NRG3: variants seen among roughly 807,000 people sequenced by gnomAD.
NRG3 encodes neuregulin 3.
Under a neutral mutation model 66.9 loss-of-function variants are expected in NRG3, and 31 were observed. The observed-to-expected ratio is 0.46, with a 90% confidence interval of 0.35 to 0.63. NRG3 has a LOEUF of 0.63. NRG3 is among the 20% of genes least tolerant of loss of function. NRG3 has a pLI of 0.00. For missense variants in NRG3, 910 were observed against 878.9 expected (o/e 1.04, Z -0.45); for synonymous variants, 393 against 359.4 (o/e 1.09, Z -1.06).
At chr10:82,380,386 A>G (rs1378528055) in intron 2 of NRG3, among the ~76,000 whole-genome samples, 9 of 152,194 alleles carry the variant, frequency 5.9e-5, no homozygotes, top group African/African-American at 1.9e-4. Flanking sequence ...TATAGATTCT[A>G]TAATCTGCCC....
At chr10:82,142,763 G>T (rs78387248) in intron 1 of NRG3, among the ~76,000 whole-genome samples, 2 of 102,274 alleles carry the variant, frequency 2.0e-5, no homozygotes, top group African/African-American at 8.3e-5. Flanking sequence ...TCTCTCTCTC[G>T]CTCTTTTTTT....
intron 4 of NRG3, among the ~76,000 whole-genome samples, chr10:82,924,296 G>T (rs1846763468): frequency 1.3e-5 from 2 of 152,108 alleles, no homozygotes; most frequent in Middle Eastern, 6.8e-3. Flanking sequence ...TTACTATGCG[G>T]ACTTGATGTT....
At chr10:82,349,739 C>A (rs1020864463) in intron 1 of NRG3, among the ~76,000 whole-genome samples, 1 of 152,150 alleles carries the variant, frequency 6.6e-6, no homozygotes, top group Non-Finnish European at 1.5e-5. Context: ...TAGGACCCTC[C>A]GAGCCAGGTG....
At chr10:82,207,340 T>A (rs771174671) in intron 1 of NRG3, among the ~76,000 whole-genome samples, 4 of 152,152 alleles carry the variant, frequency 2.6e-5, no homozygotes, top group Non-Finnish European at 5.9e-5. Flanking sequence ...TAGTGTTCAG[T>A]AGTGAAGTGC....
At chr10:82,847,339 T>C (rs1410442202) in intron 3 of NRG3, among the ~76,000 whole-genome samples, 2 of 152,222 alleles carry the variant, frequency 1.3e-5, no homozygotes, top group East Asian at 3.8e-4. Context: ...ACACTTTGAA[T>C]AGATGTGGTA....
intron 1 of NRG3, among the ~76,000 whole-genome samples, chr10:82,346,100 T>C (rs1314996886): frequency 1.4e-5 from 2 of 147,132 alleles, no homozygotes; most frequent in Non-Finnish European, 3.0e-5. Flanking sequence ...TCCAACACTA[T>C]GTTGAATAGG....
chr10:82,519,813 C>T (rs1435309990), intron 2 of NRG3, among the ~76,000 whole-genome samples: 2 of 152,086 alleles, frequency 1.3e-5, no homozygotes, highest in African/African-American at 4.8e-5. Flanking sequence ...AAGACGCAAC[C>T]AAACTGGGGA....
chr10:82,642,784 T>G (rs1280567808), intron 2 of NRG3, among the ~76,000 whole-genome samples: 1 of 152,056 alleles, frequency 6.6e-6, no homozygotes, highest in African/African-American at 2.4e-5. Flanking sequence ...ATCGTCAACA[T>G]TTGTGAAACA....
chr10:81,880,006 T>G (rs1842036639), intron 1 of NRG3, among the ~76,000 whole-genome samples: 1 of 152,214 alleles, frequency 6.6e-6, no homozygotes, highest in African/African-American at 2.4e-5. Context: ...TCAATATTTC[T>G]TATGAAATCC....
At chr10:82,398,070 C>T (rs1435288989) in intron 2 of NRG3, among the ~76,000 whole-genome samples, 1 of 152,200 alleles carries the variant, frequency 6.6e-6, no homozygotes, top group Non-Finnish European at 1.5e-5. Flanking sequence ...GCAATGGCAT[C>T]TAATCTATGC....
intron 1 of NRG3, among the ~76,000 whole-genome samples, chr10:82,065,619 A>C (rs1281133306): frequency 6.6e-6 from 1 of 152,184 alleles, no homozygotes; most frequent in Non-Finnish European, 1.5e-5. Context: ...AGACTACTGC[A>C]TTGGGGTTAT....
intron 1 of NRG3, among the ~76,000 whole-genome samples, chr10:82,019,828 T>C (rs553723253): frequency 3.9e-5 from 6 of 152,156 alleles, no homozygotes; most frequent in Non-Finnish European, 5.9e-5. Flanking sequence ...TCTTCTCTCT[T>C]TTTTTCTTTA....
chr10:82,686,334 C>T (rs1396164911), intron 2 of NRG3, among the ~76,000 whole-genome samples: 10 of 151,648 alleles, frequency 6.6e-5, no homozygotes, highest in African/African-American at 2.4e-4. Context: ...ATTATAGGCG[C>T]CCACCGCTAC....
At chr10:82,529,265 C>T (rs1265288642) in intron 2 of NRG3, among the ~76,000 whole-genome samples, 1 of 152,196 alleles carries the variant, frequency 6.6e-6, no homozygotes, top group South Asian at 2.1e-4. Context: ...GGGCTTGTTG[C>T]CCCCAGCAAC....
chr10:82,317,686 A>G (rs921341438), intron 1 of NRG3, among the ~76,000 whole-genome samples: 1 of 152,198 alleles, frequency 6.6e-6, no homozygotes, highest in Non-Finnish European at 1.5e-5. Context: ...GTGGCATCAC[A>G]GGTGGTTTAT....
intron 2 of NRG3, among the ~76,000 whole-genome samples, chr10:82,698,333 G>A (rs1362798343): frequency 6.6e-6 from 1 of 152,046 alleles, no homozygotes; most frequent in African/African-American, 2.4e-5. Flanking sequence ...GTGTGTGAGG[G>A]TGTGCTTAAA....
chr10:82,214,573 T>G (rs1249881059), intron 1 of NRG3, among the ~76,000 whole-genome samples: 1 of 152,178 alleles, frequency 6.6e-6, no homozygotes, highest in Non-Finnish European at 1.5e-5. Flanking sequence ...CAAGTGATCC[T>G]CACTGTAGTC....
chr10:82,311,523 C>T (rs2081026098), intron 1 of NRG3, among the ~76,000 whole-genome samples: 1 of 152,018 alleles, frequency 6.6e-6, no homozygotes, highest in Non-Finnish European at 1.5e-5. Context: ...TTCATTATAG[C>T]TAAATAAAAT....
intron 3 of NRG3, among the ~76,000 whole-genome samples, chr10:82,844,000 C>T (rs769955192): frequency 4.6e-5 from 7 of 152,026 alleles, no homozygotes; most frequent in Admixed American, 6.5e-5. Flanking sequence ...TCCAACATAT[C>T]ATTTGTCATA....
Sources: gnomAD v4.1 joint callset for allele counts (sites outside exome capture counted in the v4.1 genomes callset) on GRCh38, gnomAD v4.1.1 for gene constraint, MANE v1.5 for transcripts, NCBI Gene and HGNC (gene_info 2026-07-23, HGNC 2026-07-21) for gene names.